Variants in ELFN2 observed in about 807,000 individuals in gnomAD.
The protein encoded by ELFN2 is extracellular leucine rich repeat and fibronectin type III domain containing 2.
In ELFN2, 17 loss-of-function variants were observed where a neutral mutation model predicts 45.5. The observed-to-expected ratio is 0.37, with a 90% CI of 0.26 to 0.56. The LOEUF (loss-of-function observed/expected upper bound fraction) is 0.56, where lower values mean the gene tolerates loss of function less well. ELFN2 is among the 20% of genes least tolerant of loss of function. ELFN2 has a pLI of 0.77. For missense variants in ELFN2, 922 were observed against 1,183.2 expected (o/e 0.78, Z 3.24); for synonymous variants, 550 against 551.5 (o/e 1.00, Z 0.04).
intron 1 of ELFN2, among the ~76,000 whole-genome samples, chr22:37,421,537 G>A (rs948123870): frequency 5.9e-5 from 9 of 152,136 alleles, no homozygotes; most frequent in Admixed American, 5.2e-4. Flanking sequence ...ACCCCATGCT[G>A]GGCACTTGTC....
At chr22:37,366,648 C>G (rs1931213392), downstream of ELFN2, among the ~76,000 whole-genome samples, 2 of 152,244 alleles carry the variant, frequency 1.3e-5, no homozygotes, top group African/African-American at 4.8e-5. Flanking sequence ...GGGGACAGAG[C>G]CTGTCAGGGC....
At chr22:37,381,475 G>C (rs1601750668) in intron 2 of ELFN2, among the ~76,000 whole-genome samples, 2 of 152,128 alleles carry the variant, frequency 1.3e-5, no homozygotes, top group Admixed American at 1.3e-4. Flanking sequence ...TCTCTGCCTG[G>C]AATGTTCTTC....
chr22:37,365,839 A>G (rs1342607148), downstream of ELFN2, among the ~76,000 whole-genome samples: 1 of 152,266 alleles, frequency 6.6e-6, no homozygotes, highest in African/African-American at 2.4e-5. Context: ...TTCACCCCAG[A>G]AAAAATAACA....
downstream of ELFN2, among the ~76,000 whole-genome samples, chr22:37,367,179 C>G (rs924515489): frequency 2.6e-5 from 4 of 152,182 alleles, no homozygotes; most frequent in African/African-American, 9.7e-5. Flanking sequence ...GTGGGCTCTG[C>G]CTCTGGGAAG....
intron 1 of ELFN2, among the ~76,000 whole-genome samples, chr22:37,346,989 T>TA (rs1199205572): frequency 6.6e-6 from 1 of 152,092 alleles, no homozygotes; most frequent in Non-Finnish European, 1.5e-5. Context: ...TTATTATTTT[T>TA]TTTTTTGAGA....
At chr22:37,401,161 A>G (rs1348246023) in intron 2 of ELFN2, among the ~76,000 whole-genome samples, 1 of 152,224 alleles carries the variant, frequency 6.6e-6, no homozygotes, top group Non-Finnish European at 1.5e-5. Flanking sequence ...AGGGTCACCT[A>G]GCTCTCAGGC....
chr22:37,403,510 G>T lies in ELFN2; in HGVS notation c.-463+14259C>A, dbSNP rs143697182. On this transcript the variant is annotated intron_variant, in intron 2 of 2. Transcript: ENST00000402918. Reference sequence around the variant, plus strand: ...ACTAATTAATTCCAACTCCATCTGTGCCTTGGCTGGATGGGCGGTTTGGGC... The same window carrying T: ...ACTAATTAATTCCAACTCCATCTGTTCCTTGGCTGGATGGGCGGTTTGGGC... 3.9e-5 allele frequency among the ~76,000 whole-genome samples: 6 copies of T among 152,348 alleles called. No individual in the cohort carries two copies. In the East Asian group the frequency reaches 1.2e-3, roughly 29 times the overall value.
chr22:37,347,947 G>T (rs749483604), intron 1 of ELFN2, among the ~76,000 whole-genome samples: 1 of 152,132 alleles, frequency 6.6e-6, no homozygotes, highest in Non-Finnish European at 1.5e-5. Context: ...TGGGGAGCTC[G>T]CGCCCACCTG....
At chr22:37,381,627 C>T (rs1931773522) in intron 2 of ELFN2, among the ~76,000 whole-genome samples, 1 of 152,114 alleles carries the variant, frequency 6.6e-6, no homozygotes, top group Non-Finnish European at 1.5e-5. Flanking sequence ...GCCAGCACTA[C>T]CTGACGTCAC....
intron 1 of ELFN2, chr22:37,354,933 C>T (rs1003415405): frequency 6.6e-6 from 1 of 152,200 alleles, no homozygotes; most frequent in Non-Finnish European, 1.5e-5. Context: ...ATCTAGTTAA[C>T]ATGCACGGTC....
At chr22:37,390,630 TG>T in intron 2 of ELFN2, among the ~76,000 whole-genome samples, 1 of 152,240 alleles carries the variant, frequency 6.6e-6, no homozygotes, top group African/African-American at 2.4e-5. Context: ...TGGGCAGGCC[TG>T]GGTGTTAATA....
intron 2 of ELFN2, among the ~76,000 whole-genome samples, chr22:37,406,072 G>T (rs901751001): frequency 2.0e-5 from 3 of 152,120 alleles, no homozygotes; most frequent in East Asian, 1.9e-4. Flanking sequence ...AGCCTAGGAG[G>T]TTGAGGCTGC....
chr22:37,387,911 G>A (rs895137068), intron 2 of ELFN2, among the ~76,000 whole-genome samples: 4 of 151,368 alleles, frequency 2.6e-5, no homozygotes, highest in African/African-American at 7.3e-5. Context: ...AAACTCACTC[G>A]TCCATGTCCA....
At chr22:37,363,869 G>A (rs1009855591), downstream of ELFN2, among the ~76,000 whole-genome samples, 2 of 152,216 alleles carry the variant, frequency 1.3e-5, no homozygotes, top group African/African-American at 4.8e-5. Flanking sequence ...CAGGTGCAGG[G>A]TTGGGAAGAC....
Position 37,373,051 on chromosome 22 carries a change from C to A in ELFN2, c.*21G>T. On this transcript the variant is annotated 3_prime_UTR_variant, in exon 3 of 3. Coordinates refer to ENST00000402918, the MANE Select transcript of ELFN2 (RefSeq NM_052906.5). ...GCCCCCAGCCCTCTGGCTCCGACCTCACCAGGGAGGAAGGGGGGGGTCACA... is the reference window on the plus strand; with the variant it reads ...GCCCCCAGCCCTCTGGCTCCGACCTAACCAGGGAGGAAGGGGGGGGTCACA... 6.4e-7 allele frequency: 1 copy of A among 1,573,018 alleles called. No homozygotes were observed. The highest frequency in any genetic ancestry group is 1.2e-5 in the South Asian group (1 of 84,894).
intron 2 of ELFN2, among the ~76,000 whole-genome samples, chr22:37,382,985 A>G (rs1931831353): frequency 6.6e-6 from 1 of 152,118 alleles, no homozygotes; most frequent in Non-Finnish European, 1.5e-5. Flanking sequence ...AGTACCCCAT[A>G]AAGACCCTTC....
intron 2 of ELFN2, among the ~76,000 whole-genome samples, chr22:37,395,663 G>T (rs1234949513): frequency 1.3e-5 from 2 of 152,182 alleles, no homozygotes; most frequent in Non-Finnish European, 2.9e-5. Context: ...CCCACGGGGG[G>T]CAGGGGATGT....
At chr22:37,398,365 G>A (rs1046801617) in intron 2 of ELFN2, among the ~76,000 whole-genome samples, 1 of 152,134 alleles carries the variant, frequency 6.6e-6, no homozygotes, top group African/African-American at 2.4e-5. Context: ...GCCACCTGCC[G>A]TGCCTCTCCT....
chr22:37,373,501 C>T lies in ELFN2; in HGVS notation c.2034G>A (p.Pro678=), dbSNP rs755815232. 21 of 1,552,702 alleles carry T rather than the reference C, an allele frequency of 1.4e-5. No homozygotes were observed. Among genetic ancestry groups the T allele is most frequent in the African/African-American group, 4.1e-5 (3 of 73,618 alleles). ...SPLNSPLDRL[P]LVPAGSGGGS... Reference sequence around the variant, plus strand: ...CCCCGCCGCTGCCCGCCGGCACCAGCGGGAGCCGGTCCAGCGGGCTGTTGA... The same window carrying T: ...CCCCGCCGCTGCCCGCCGGCACCAGTGGGAGCCGGTCCAGCGGGCTGTTGA... The change falls in exon 3 of 3, where the codon CCG becomes CCA. Residue 678 remains proline, a synonymous_variant. Coordinates refer to ENST00000402918, the MANE Select transcript of ELFN2 (RefSeq NM_052906.5).
Sources: gnomAD v4.1 joint callset for allele counts (sites outside exome capture counted in the v4.1 genomes callset) on GRCh38, gnomAD v4.1.1 for gene constraint, MANE v1.5 for transcripts, NCBI Gene and HGNC (gene_info 2026-07-23, HGNC 2026-07-21) for gene names.